RUNX3: variants seen among roughly 807,000 people sequenced by gnomAD.
RUNX3 encodes the protein RUNX family transcription factor 3.
RUNX3 carries 10 observed loss-of-function variants against 27.7 expected under a neutral mutation model. That is an observed-to-expected ratio of 0.36 (90% CI 0.22 to 0.61). RUNX3 has a LOEUF of 0.61. Among genes scored for constraint, RUNX3 ranks in the 20% least tolerant of loss-of-function variants. The pLI is 0.72. For synonymous variants in RUNX3, 270 were observed against 269.2 expected, an observed-to-expected ratio of 1.00 and a Z score of -0.03; for missense variants, 469 against 629.5, an observed-to-expected ratio of 0.75 and a Z score of 2.73.
rs1641181760 is a variant in RUNX3, at chr1:24,929,860, A to G, written c.9T>C (p.Ile3=). 1 of 1,352,534 alleles carries G rather than the reference A, an allele frequency of 7.4e-7. No homozygotes were observed. The highest frequency in any genetic ancestry group is 9.4e-7 in the Non-Finnish European group (1 of 1,061,132). The allele number at this position is 1,352,534 out of a possible 1,614,324, so 83.8% of individuals were successfully genotyped here. The part of the protein sequence containing the change: MR[I]PVDPSTSRRF... ...GGCGGCTGGTGCTTGGGTCTACGGG[A>G]ATACGCATAACAGCGGCCGTCAGGG... Residue 3 remains isoleucine (I), a synonymous_variant, in exon 1 of 5, where the codon ATT becomes ATC. Transcript: ENST00000308873.
At chr1:24,959,452 G>A (rs1057434037) in intron 2 of RUNX3, among the ~76,000 whole-genome samples, 14 of 152,230 alleles carry the variant, frequency 9.2e-5, no homozygotes, top group Admixed American at 9.2e-4. Flanking sequence ...CGCCAGGCAA[G>A]CGCCATAGTG....
chr1:24,942,179 G>A (rs1342442987), intron 2 of RUNX3, among the ~76,000 whole-genome samples: 1 of 152,148 alleles, frequency 6.6e-6, no homozygotes, highest in Non-Finnish European at 1.5e-5. Context: ...AGATGAGGGG[G>A]GGAGATGAGA....
chr1:24,906,397 C>T (rs997356992), intron 4 of RUNX3, among the ~76,000 whole-genome samples: 1 of 152,226 alleles, frequency 6.6e-6, no homozygotes, highest in Non-Finnish European at 1.5e-5. Flanking sequence ...CAGTCCGTGA[C>T]GGCAGCCAGC....
rs1219140325 is a variant in RUNX3, at chr1:24,904,040, G to A, written c.704-1374C>T. On this transcript the variant is annotated intron_variant, in intron 4 of 4. Transcript: ENST00000308873. This position sits in a 1 kb window ranked among gnomAD's most constrained non-coding sequence, Gnocchi z 5.7. The stretch of plus-strand genomic sequence containing the variant: ...GTACCCAGGAGAACTGGCTCATTCA[G>A]GGCCCTGCCAAGTTGAGGCCCTGGT... Among the ~76,000 whole-genome samples the A allele has an allele frequency of 6.6e-6, 1 of 152,154 alleles. No individual in the cohort carries two copies. The highest frequency in any genetic ancestry group is 1.9e-4 in the East Asian group (1 of 5,186).
At chr1:24,903,042 A>G (rs1345371120) in intron 4 of RUNX3, among the ~76,000 whole-genome samples, 1 of 152,204 alleles carries the variant, frequency 6.6e-6, no homozygotes, top group African/African-American at 2.4e-5. Context: ...AGCCCTGCCC[A>G]GGCAGGTTCC....
In RUNX3 at chr1:24,930,106, G is replaced by A. The variant is rs1405059056; in HGVS notation, c.-238C>T. ...CCTGCCCGGCTAGTCCCGCATCCTC[G>A]GCGCGCGGCCCCGCGTGCGGCCGCC... On this transcript the variant is annotated 5_prime_UTR_variant, in exon 1 of 5. Coordinates refer to ENST00000308873, the MANE Select transcript of RUNX3 (RefSeq NM_004350.3). This position sits in a 1 kb window ranked among gnomAD's most constrained non-coding sequence, Gnocchi z 4.1. The A allele has an allele frequency of 5.1e-6, 5 of 979,594 alleles. No homozygotes were observed. The highest frequency in any genetic ancestry group is 6.0e-6 in the Non-Finnish European group (5 of 827,678). The allele number at this position is 979,594 out of a possible 1,614,324, so 60.7% of individuals were successfully genotyped here. A position where few individuals can be genotyped will look rare whatever the true frequency, so the allele number is the denominator to read the frequency against.
intron 2 of RUNX3, among the ~76,000 whole-genome samples, chr1:24,924,506 C>T (rs1162189839): frequency 2.0e-5 from 3 of 149,282 alleles, no homozygotes; most frequent in Admixed American, 6.6e-5. Flanking sequence ...TTTTGTTCAG[C>T]GCTTTGCCAA....
intron 2 of RUNX3, chr1:24,964,417 C>T (rs1381925444): frequency 1.2e-5 from 11 of 955,076 alleles, no homozygotes; most frequent in African/African-American, 1.1e-4. Context: ...GGCGGACAGG[C>T]TGTGCGCTTG....
At position 24,902,969 on chromosome 1, in the gene RUNX3, G is replaced by A. The variant is rs1640592289; in HGVS notation, c.704-303C>T. 2.0e-5 allele frequency among the ~76,000 whole-genome samples: 3 copies of A among 152,164 alleles called. No individual in the cohort carries two copies. Among genetic ancestry groups the A allele is most frequent in the African/African-American group, 4.8e-5 (2 of 41,430 alleles). On this transcript the variant is annotated intron_variant, in intron 4 of 4. Transcript: ENST00000308873. This position sits in a 1 kb window ranked among gnomAD's most constrained non-coding sequence, Gnocchi z 9.2. ...TTTTTAAATCCTCCTTCCCAGCCTCGCAGAGGAGAGGCCTAGGATGCGGTG... is the reference window on the plus strand; with the variant it reads ...TTTTTAAATCCTCCTTCCCAGCCTCACAGAGGAGAGGCCTAGGATGCGGTG...
At position 24,927,719 on chromosome 1, in the gene RUNX3, C is replaced by T. The variant is rs1430435216; in HGVS notation, c.294G>A (p.Leu98=). 17 of 1,613,996 alleles carry T rather than the reference C, an allele frequency of 1.1e-5. No individual in the cohort carries two copies. Among genetic ancestry groups the T allele is most frequent in the East Asian group, 2.2e-5 (1 of 44,876 alleles). Residue 98 remains leucine (L), a synonymous_variant, in exon 2 of 5, where the codon TTG becomes TTA. Coordinates refer to ENST00000308873, the MANE Select transcript of RUNX3 (RefSeq NM_004350.3). This position sits in a 1 kb window ranked among gnomAD's most constrained non-coding sequence, Gnocchi z 5.0. ...TLPVAFKVVA[L]GDVPDGTVVT... ...CCACCGTACCATCCGGCACGTCCCC[C>T]AATGCCACCACCTGAAGACACGGGG...
At chr1:24,926,799 G>A (rs1412851765) in intron 2 of RUNX3, among the ~76,000 whole-genome samples, 1 of 152,188 alleles carries the variant, frequency 6.6e-6, no homozygotes. Context: ...CTCGTAGGCA[G>A]GCTGGTCTTA....
At chr1:24,964,384 GCTT>G (rs1642199549) in intron 2 of RUNX3, 5 of 743,130 alleles carry the variant, frequency 6.7e-6, no homozygotes, top group Non-Finnish European at 7.1e-6. Context: ...CCCACCTCAG[GCTT>G]TCAGAGGCCA....
intron 2 of RUNX3, among the ~76,000 whole-genome samples, chr1:24,925,906 G>C (rs1012727475): frequency 2.0e-5 from 3 of 152,118 alleles, no homozygotes; most frequent in Non-Finnish European, 2.9e-5. Context: ...GGCCTGGGGA[G>C]GGGGGCTCAA....
At chr1:24,940,155 G>A (rs575747256) in intron 2 of RUNX3, among the ~76,000 whole-genome samples, 16 of 152,292 alleles carry the variant, frequency 1.1e-4, no homozygotes, top group Admixed American at 1.0e-3. Flanking sequence ...TCCATACCAG[G>A]AATAGAAATA....
At chr1:24,951,218 A>AAT (rs1553207433) in intron 2 of RUNX3, among the ~76,000 whole-genome samples, 11 of 150,834 alleles carry the variant, frequency 7.3e-5, no homozygotes, top group African/African-American at 2.7e-4. Context: ...AAAAAAAAAA[A>AAT]AAAAATAAGG....
chr1:24,930,318 C>T (rs1158541110), upstream of RUNX3: 3 of 787,052 alleles, frequency 3.8e-6, no homozygotes, highest in African/African-American at 5.6e-5. The surrounding 1 kb of genome is among the most constrained non-coding windows in gnomAD (Gnocchi z 4.1). Context: ...CCCCGGGGCC[C>T]GCGGGGCGGG....
intron 2 of RUNX3, among the ~76,000 whole-genome samples, chr1:24,946,044 AGAATGAAT>A (rs533843893): frequency 6.6e-6 from 1 of 152,122 alleles, no homozygotes; most frequent in Non-Finnish European, 1.5e-5. Flanking sequence ...GAAGCATTTG[AGAATGAAT>A]GAATGAATGA....
intron 2 of RUNX3, among the ~76,000 whole-genome samples, chr1:24,953,363 GAA>G (rs71577738): frequency 1.6e-5 from 1 of 60,742 alleles, no homozygotes; most frequent in Non-Finnish European, 2.8e-5. Flanking sequence ...GACTCCGTCT[GAA>G]AAAAAAAAAA....
At position 24,930,118 on chromosome 1, in the gene RUNX3, C is replaced by A; in HGVS notation, c.-250G>T. The stretch of plus-strand genomic sequence containing the variant: ...GTCCCGCATCCTCGGCGCGCGGCCC[C>A]GCGTGCGGCCGCCCCTCGTGGCTGT... On this transcript the variant is annotated 5_prime_UTR_variant, in exon 1 of 5. Transcript: ENST00000308873. This position sits in a 1 kb window ranked among gnomAD's most constrained non-coding sequence, Gnocchi z 4.1. 2 of 978,872 alleles carry A rather than the reference C, an allele frequency of 2.0e-6. No homozygotes were observed. Among genetic ancestry groups the A allele is most frequent in the Non-Finnish European group, 2.4e-6 (2 of 827,514 alleles). The allele number at this position is 978,872 out of a possible 1,614,324, so 60.6% of individuals were successfully genotyped here.
Sources: gnomAD v4.1 joint callset for allele counts (sites outside exome capture counted in the v4.1 genomes callset) on GRCh38, gnomAD v4.1.1 for gene constraint, Gnocchi (gnomAD v3.1) non-coding constraint, MANE v1.5 for transcripts, NCBI Gene and HGNC (gene_info 2026-07-23, HGNC 2026-07-21) for gene names.